Variants in TENM2 observed in about 807,000 individuals in gnomAD.
TENM2 encodes teneurin-2.
TENM2 carries 52 observed loss-of-function variants against 245.2 expected under a neutral mutation model. The observed-to-expected ratio is 0.21, with a 90% CI of 0.17 to 0.27. The LOEUF (loss-of-function observed/expected upper bound fraction) is 0.27. TENM2 is among the 10% of genes least tolerant of loss of function. TENM2 has a pLI of 1.00. For missense variants in TENM2, 3,046 were observed against 3,666.8 expected, an observed-to-expected ratio of 0.83 and a Z score of 4.37; for synonymous variants, 1,363 against 1,438.9, an observed-to-expected ratio of 0.95 and a Z score of 1.19.
intron 2 of TENM2, among the ~76,000 whole-genome samples, chr5:167,818,302 C>T (rs1311330920): frequency 1.3e-5 from 2 of 152,148 alleles, no homozygotes; most frequent in Admixed American, 1.3e-4. Flanking sequence ...GCTTTGCACA[C>T]AGATTGTCAA....
At chr5:168,192,596 A>G (rs1021873050) in intron 14 of TENM2, among the ~76,000 whole-genome samples, 3 of 152,194 alleles carry the variant, frequency 2.0e-5, no homozygotes, top group African/African-American at 4.8e-5. Flanking sequence ...TTTAACATAT[A>G]CTATACACAG....
rs745838435 is a variant in TENM2, at chr5:168,246,692, G to A, written c.5818-65G>A. 394 of 1,475,708 alleles carry A rather than the reference G, an allele frequency of 2.7e-4. 1 individual carries two copies. In the Middle Eastern group the frequency reaches 0.011, roughly 40 times the overall value. 91.4% of individuals were successfully genotyped at this position (1,475,708 alleles called of 1,614,324 possible). On this transcript the variant is annotated intron_variant, in intron 26 of 28. Transcript: ENST00000518659. ...CATTTGGGGAAATGGACTAAATTCT[G>A]TCTGTTTGAATGCTTGGTCCTCAAA...
intron 2 of TENM2, among the ~76,000 whole-genome samples, chr5:167,680,904 C>T (rs1756663054): frequency 6.9e-6 from 1 of 144,774 alleles, no homozygotes; most frequent in African/African-American, 2.7e-5. Flanking sequence ...AGGAATAAAC[C>T]TTGATTGATG....
chr5:167,071,883 C>T, the TENM2 span, among the ~76,000 whole-genome samples: 1 of 142,430 alleles, frequency 7.0e-6, no homozygotes, highest in South Asian at 2.5e-4. Flanking sequence ...AAATCGCCCC[C>T]CCCCGCCCCC....
chr5:167,063,904 A>G, the TENM2 span, among the ~76,000 whole-genome samples: 1 of 152,188 alleles, frequency 6.6e-6, no homozygotes, highest in Non-Finnish European at 1.5e-5. Flanking sequence ...TTAGAATTCA[A>G]CTTTTTCTCC....
Position 167,350,910 on chromosome 5 carries a change from TATGGGATATATAC to T in TENM2, c.227-24285_227-24273del, listed in dbSNP as rs1463145058. 1.6e-4 allele frequency among the ~76,000 whole-genome samples: 14 copies of T among 86,534 alleles called. 1 individual carries two copies. Among genetic ancestry groups the T allele is most frequent in the East Asian group, 1.1e-3 (3 of 2,692 alleles). The allele number at this position is 86,534 out of a possible 152,430, so 56.8% of individuals were successfully genotyped here. ...TGGGATGTATACATATGGATATATA[TATGGGATATATAC>T]ATATGGATATATATATGGGATATAT... On this transcript the variant is annotated intron_variant, in intron 1 of 28. Transcript: ENST00000518659.
intron 2 of TENM2, among the ~76,000 whole-genome samples, chr5:167,851,742 C>T (rs1199627617): frequency 6.6e-6 from 1 of 152,160 alleles, no homozygotes; most frequent in African/African-American, 2.4e-5. Flanking sequence ...TCCCGCAGCT[C>T]TCTTGTTTGG....
At chr5:167,920,064 G>A (rs1054151235) in intron 3 of TENM2, among the ~76,000 whole-genome samples, 2 of 152,148 alleles carry the variant, frequency 1.3e-5, no homozygotes, top group Non-Finnish European at 2.9e-5. Context: ...GATGGGAATA[G>A]AGAGGCTATG....
intron 1 of TENM2, among the ~76,000 whole-genome samples, chr5:167,331,275 G>A (rs1230588411): frequency 6.7e-6 from 1 of 149,906 alleles, no homozygotes; most frequent in Non-Finnish European, 1.5e-5. Flanking sequence ...AGAAAGAAAG[G>A]AAAAAAGAGA....
rs1201413273 is a variant in TENM2, at chr5:167,385,854, A to ATGTGTGTG, written c.502+10382_502+10383insGTGTGTGT. On this transcript the variant is annotated intron_variant, in intron 2 of 28. Coordinates refer to ENST00000518659, the Ensembl canonical transcript of TENM2. The stretch of plus-strand genomic sequence containing the variant: ...GGCTGAGTAGTATTCCATTATATAT[A>ATGTGTGTG]TATGTGTGTGTGTGTGTGTGTGTGT... Among the ~76,000 whole-genome samples the ATGTGTGTG allele has an allele frequency of 1.0e-4, 13 of 130,196 alleles. 1 individual carries two copies. In the East Asian group the frequency reaches 2.0e-3, roughly 20 times the overall value. The allele number at this position is 130,196 out of a possible 152,430, so 85.4% of individuals were successfully genotyped here. A position where few individuals can be genotyped will look rare whatever the true frequency, so the allele number is the denominator to read the frequency against.
At chr5:167,409,193 A>G (rs75203168) in intron 2 of TENM2, among the ~76,000 whole-genome samples, 2,871 of 152,014 alleles carry the variant, frequency 0.019, 111 homozygotes, top group African/African-American at 0.065. Flanking sequence ...AGAATAAGAA[A>G]CTAAACCAAT....
At chr5:167,854,883 A>T (rs2973659) in intron 2 of TENM2, among the ~76,000 whole-genome samples, 18,402 of 151,832 alleles carry the variant, frequency 0.12, 1,324 homozygotes, top group Middle Eastern at 0.2. Flanking sequence ...TGTCACTATC[A>T]CCCTCATCCA....
chr5:167,835,814 A>G (rs1768935143), intron 2 of TENM2, among the ~76,000 whole-genome samples: 2 of 152,210 alleles, frequency 1.3e-5, no homozygotes, highest in South Asian at 2.1e-4. Flanking sequence ...GACTAAAAAT[A>G]TCAATACAAC....
intron 5 of TENM2, among the ~76,000 whole-genome samples, chr5:168,005,217 G>A (rs1001209098): frequency 2.6e-5 from 4 of 152,120 alleles, no homozygotes; most frequent in African/African-American, 9.7e-5. Context: ...TAGGAGAGTG[G>A]ATACAATGAA....
chr5:167,740,628 T>C (rs545049524), intron 2 of TENM2, among the ~76,000 whole-genome samples: 1 of 152,298 alleles, frequency 6.6e-6, no homozygotes, highest in Admixed American at 6.5e-5. Context: ...TTATCTTACC[T>C]GTGCAAACAC....
At chr5:167,809,022 C>T (rs147596048) in intron 2 of TENM2, among the ~76,000 whole-genome samples, 1 of 152,230 alleles carries the variant, frequency 6.6e-6, no homozygotes, top group East Asian at 1.9e-4. Flanking sequence ...TTTCAGAAGT[C>T]TTAAGTTGAA....
intron 5 of TENM2, among the ~76,000 whole-genome samples, chr5:168,004,429 T>C (rs1231202402): frequency 2.6e-5 from 4 of 151,282 alleles, no homozygotes; most frequent in East Asian, 2.0e-4. Context: ...AGGCCATGGC[T>C]AGTGGTAGTG....
chr5:168,172,061 A>G (rs1758886238), intron 13 of TENM2, among the ~76,000 whole-genome samples: 4 of 152,200 alleles, frequency 2.6e-5, no homozygotes, highest in African/African-American at 4.8e-5. Flanking sequence ...CAACTCGCTC[A>G]CCCAGGAACA....
chr5:167,648,932 C>T lies in TENM2; in HGVS notation c.503-227054C>T, dbSNP rs183351613. Reference sequence around the variant, plus strand: ...TCGGTCTGTGGCCCCTCCCTAGTAGCGGCCCAGATTTTGATCCTCTTGTGC... The same window carrying T: ...TCGGTCTGTGGCCCCTCCCTAGTAGTGGCCCAGATTTTGATCCTCTTGTGC... On this transcript the variant is annotated intron_variant, in intron 2 of 28. Transcript: ENST00000518659. Among the ~76,000 whole-genome samples, 327 of 152,280 alleles carry T rather than the reference C, an allele frequency of 2.1e-3. 3 individuals carry two copies. The highest frequency in any genetic ancestry group is 0.019 in the Admixed American group (283 of 15,284).
Sources: gnomAD v4.1 joint callset for allele counts (sites outside exome capture counted in the v4.1 genomes callset) on GRCh38, gnomAD v4.1.1 for gene constraint, MANE v1.5 for transcripts, NCBI Gene and HGNC (gene_info 2026-07-23, HGNC 2026-07-21) for gene names.